Variants in VTA1 observed in about 807,000 individuals in gnomAD.
VTA1 encodes vesicle trafficking 1, also known as vacuolar protein sorting-associated protein VTA1 homolog.
A neutral mutation model predicts 36.9 loss-of-function variants in VTA1; 24 were observed. The ratio of observed to expected loss-of-function variants is 0.65; its 90% CI spans 0.47 to 0.91. The LOEUF is 0.91. Among genes scored for constraint, VTA1 ranks in the 40% least tolerant of loss-of-function variants. The pLI is 0.00. For synonymous variants in VTA1, 142 were observed against 130.2 expected (o/e 1.09, Z -0.62); for missense variants, 393 against 377.2 (o/e 1.04, Z -0.35).
At chr6:142,205,355 T>C (rs957548624) in intron 7 of VTA1, among the ~76,000 whole-genome samples, 33 of 152,322 alleles carry the variant, frequency 2.2e-4, no homozygotes, top group African/African-American at 7.5e-4. Context: ...ATCATTTCAT[T>C]ATGGTTTCAG....
chr6:142,200,080 G>A (rs1222676499), intron 6 of VTA1, among the ~76,000 whole-genome samples: 4 of 152,008 alleles, frequency 2.6e-5, no homozygotes, highest in East Asian at 1.9e-4. Flanking sequence ...CATTTAGGAG[G>A]CAAATCATAT....
chr6:142,183,247 T>A (rs1012618610), intron 4 of VTA1, among the ~76,000 whole-genome samples: 9 of 152,112 alleles, frequency 5.9e-5, no homozygotes, highest in Non-Finnish European at 1.3e-4. Flanking sequence ...CTAGGATGGG[T>A]TCAATATAAA....
chr6:142,203,766 G>C (rs1775733900), intron 6 of VTA1, among the ~76,000 whole-genome samples: 1 of 152,166 alleles, frequency 6.6e-6, no homozygotes, highest in Admixed American at 6.5e-5. Context: ...GTAATGCGAA[G>C]CATTAGACAA....
At position 142,220,624 on chromosome 6, in the gene VTA1, C is replaced by T. The variant is rs1473412746; in HGVS notation, c.*1981C>T. ...TGTAAATTGTTAATAATTTATTTCCCTAATATCAGGAAATCCCAGTTGTCT... is the reference window on the plus strand; with the variant it reads ...TGTAAATTGTTAATAATTTATTTCCTTAATATCAGGAAATCCCAGTTGTCT... On this transcript the variant is annotated 3_prime_UTR_variant, in exon 8 of 8. Coordinates refer to ENST00000367630, the MANE Select transcript of VTA1 (RefSeq NM_016485.5). The T allele has an allele frequency of 6.6e-6, 1 of 152,064 alleles. No homozygotes were observed. Among genetic ancestry groups the T allele is most frequent in the African/African-American group, 2.4e-5 (1 of 41,396 alleles). The allele number at this position is 152,064 out of a possible 1,614,324, so 9.4% of individuals were successfully genotyped here.
chr6:142,169,987 T>G (rs1268497924), intron 3 of VTA1, among the ~76,000 whole-genome samples: 1 of 152,112 alleles, frequency 6.6e-6, no homozygotes, highest in Non-Finnish European at 1.5e-5. Flanking sequence ...ATGATTTTGA[T>G]TTTGAAGGTA....
In VTA1 at chr6:142,222,001, G is replaced by A. The variant is rs1309924589; in HGVS notation, c.*3358G>A. ...AAAAAAAAGTATTACAATAATCAAGGTGAGATATTATGATGTCTTAGTCCA... is the reference window on the plus strand; with the variant it reads ...AAAAAAAAGTATTACAATAATCAAGATGAGATATTATGATGTCTTAGTCCA... On this transcript the variant is annotated 3_prime_UTR_variant, in exon 8 of 8. Coordinates refer to ENST00000367630, the MANE Select transcript of VTA1 (RefSeq NM_016485.5). 2 of 151,910 alleles carry A rather than the reference G, an allele frequency of 1.3e-5. No individual in the cohort carries two copies. The highest frequency in any genetic ancestry group is 4.8e-5 in the African/African-American group (2 of 41,442). 9.4% of individuals were successfully genotyped at this position (151,910 alleles called of 1,614,324 possible).
At chr6:142,159,608 G>C (rs1332508288) in intron 1 of VTA1, among the ~76,000 whole-genome samples, 4 of 150,902 alleles carry the variant, frequency 2.7e-5, no homozygotes, top group Non-Finnish European at 5.9e-5. Flanking sequence ...CTGCCTCCTG[G>C]GTTCAAGCAA....
chr6:142,187,906 T>G (rs923858206), intron 4 of VTA1, among the ~76,000 whole-genome samples: 18 of 134,718 alleles, frequency 1.3e-4, no homozygotes, highest in Non-Finnish European at 2.5e-4. Flanking sequence ...AAAGGATACT[T>G]TCTTTCTTTT....
intron 1 of VTA1, among the ~76,000 whole-genome samples, chr6:142,150,867 G>A (rs781496726): frequency 4.0e-5 from 6 of 151,140 alleles, no homozygotes; most frequent in Non-Finnish European, 8.8e-5. Flanking sequence ...AGCTGAGATC[G>A]TGCCATTGCA....
chr6:142,170,244 T>C (rs1775002249), intron 3 of VTA1, 102 bp from the exon 4 acceptor site: 1 of 773,122 alleles, frequency 1.3e-6, no homozygotes, highest in Non-Finnish European at 2.1e-6. Context: ...AATTTCAGAG[T>C]GCTTTTATAA....
chr6:142,164,184 G>T (rs1291987467), intron 1 of VTA1, among the ~76,000 whole-genome samples: 1 of 152,142 alleles, frequency 6.6e-6, no homozygotes, highest in African/African-American at 2.4e-5. Flanking sequence ...GTAAGATACA[G>T]TAAGCTTAAA....
At chr6:142,192,117 A>G (rs1353446020) in intron 5 of VTA1, among the ~76,000 whole-genome samples, 1 of 152,072 alleles carries the variant, frequency 6.6e-6, no homozygotes, top group Non-Finnish European at 1.5e-5. Flanking sequence ...GATATTACAA[A>G]CAGGCTTCCA....
intron 6 of VTA1, among the ~76,000 whole-genome samples, chr6:142,201,605 A>G (rs756011917): frequency 2.0e-5 from 3 of 151,940 alleles, no homozygotes; most frequent in Admixed American, 1.3e-4. Flanking sequence ...AGATTAAATA[A>G]TATAATTATT....
At chr6:142,207,561 A>G (rs190411162) in intron 7 of VTA1, among the ~76,000 whole-genome samples, 4 of 152,270 alleles carry the variant, frequency 2.6e-5, no homozygotes, top group African/African-American at 9.6e-5. Context: ...CAGCGCTCCA[A>G]ACATTTACTA....
chr6:142,201,408 C>CA (rs1775682497), intron 6 of VTA1, among the ~76,000 whole-genome samples: 2 of 151,754 alleles, frequency 1.3e-5, no homozygotes, highest in Non-Finnish European at 3.0e-5. Context: ...AGTTCTTCCA[C>CA]AAAAAAGCAA....
chr6:142,169,678 G>A lies in VTA1; in HGVS notation c.335+1G>A. 3.2e-6 allele frequency: 5 copies of A among 1,555,524 alleles called. No individual in the cohort carries two copies. Among genetic ancestry groups the A allele is most frequent in the Non-Finnish European group, 4.3e-6 (5 of 1,160,978 alleles). On this transcript the variant is annotated splice_donor_variant, in intron 3 of 7. Transcript: ENST00000367630. LOFTEE classifies it high-confidence loss of function. ...AAGATCGTGCTGGACGATTTCACAA[G>A]TAAGTAAAGAGAAAAATAAAAATTA...
rs560833776 is a variant in VTA1, at chr6:142,223,458, G to C, written c.*4815G>C. ...TCTTCAGGAAATAAGATTGAGATAC[G>C]GACTGAAAATATAAAATTAGCAATA... On this transcript the variant is annotated 3_prime_UTR_variant, in exon 8 of 8. Coordinates refer to ENST00000367630, the MANE Select transcript of VTA1 (RefSeq NM_016485.5). 6.6e-6 allele frequency: 1 copy of C among 151,996 alleles called. No individual in the cohort carries two copies. The highest frequency in any genetic ancestry group is 6.6e-5 in the Admixed American group (1 of 15,258). 9.4% of individuals were successfully genotyped at this position (151,996 alleles called of 1,614,324 possible).
Position 142,198,442 on chromosome 6 carries a change from T to G in VTA1, c.524T>G (p.Ile175Ser). ...GPVGIEEDND[I>S]EENEDAGAAS... ...TTGTGTATATGTGATCTGATAGATA[T>G]TGAAGAAAATGAAGATGCTGGAGCA... The change falls in exon 6 of 8, where the codon ATT becomes AGT. Residue 175 changes from isoleucine (I) to serine (S), a missense_variant. Physicochemically the swap from Ile to Ser is moderately radical, Grantham distance 142. Transcript: ENST00000367630. 1 of 1,613,922 alleles carries G rather than the reference T, an allele frequency of 6.2e-7. No individual in the cohort carries two copies. Among genetic ancestry groups the G allele is most frequent in the Non-Finnish European group, 8.5e-7 (1 of 1,179,864 alleles).
At chr6:142,204,094 C>T (rs758079855) in intron 7 of VTA1, 29 bp downstream of exon 7, 41 of 1,582,268 alleles carry the variant, frequency 2.6e-5, no homozygotes, top group Non-Finnish European at 3.6e-5. Context: ...TTGTGAGATA[C>T]ATTTATCTCC....
Sources: gnomAD v4.1 joint callset for allele counts (sites outside exome capture counted in the v4.1 genomes callset) on GRCh38, gnomAD v4.1.1 for gene constraint, MANE v1.5 for transcripts, NCBI Gene and HGNC (gene_info 2026-07-23, HGNC 2026-07-21) for gene names.